PPP3CA: variants seen among roughly 807,000 people sequenced by gnomAD.
PPP3CA encodes protein phosphatase 3 catalytic subunit alpha, also known as CAM-PRP catalytic subunit.
A neutral mutation model predicts 66.5 loss-of-function variants in PPP3CA; 14 were observed. The ratio of observed to expected loss-of-function variants is 0.21; its 90% CI spans 0.14 to 0.33. The LOEUF (loss-of-function observed/expected upper bound fraction) is 0.33. Ranked by LOEUF, PPP3CA falls within the 10% of genes least tolerant of loss-of-function variation. PPP3CA has a pLI of 1.00. For synonymous variants in PPP3CA, 232 were observed against 226.2 expected (o/e 1.03, Z -0.23); for missense variants, 317 against 639.5 (o/e 0.50, Z 5.44).
intron 1 of PPP3CA, among the ~76,000 whole-genome samples, chr4:101,238,197 T>A (rs998703552): frequency 6.6e-6 from 1 of 152,054 alleles, no homozygotes. Flanking sequence ...AACAGTAAAA[T>A]TGATTATAAA....
In PPP3CA at chr4:101,346,854, C is replaced by T; in HGVS notation, c.-58G>A. On this transcript the variant is annotated 5_prime_UTR_variant, in exon 1 of 14. Transcript: ENST00000394854. ...CGTCCGTCCGACTGCACACCCCGAC[C>T]GGACCGGCGGGCCAGACACTCAACG... 1 of 1,573,160 alleles carries T rather than the reference C, an allele frequency of 6.4e-7. No homozygotes were observed. Among genetic ancestry groups the T allele is most frequent in the Non-Finnish European group, 8.6e-7 (1 of 1,159,664 alleles).
chr4:101,105,291 G>A (rs572996595), intron 3 of PPP3CA, among the ~76,000 whole-genome samples: 29 of 151,110 alleles, frequency 1.9e-4, no homozygotes, highest in African/African-American at 6.8e-4. Flanking sequence ...CTCAGCCTCC[G>A]GAGTAGCTGG....
At chr4:101,058,949 G>T (rs1463428465) in intron 10 of PPP3CA, among the ~76,000 whole-genome samples, 1 of 151,974 alleles carries the variant, frequency 6.6e-6, no homozygotes, top group Non-Finnish European at 1.5e-5. Context: ...TTACATTTTT[G>T]TTCTCTATAT....
intron 1 of PPP3CA, among the ~76,000 whole-genome samples, chr4:101,207,007 T>C (rs758215629): frequency 6.6e-6 from 1 of 151,942 alleles, no homozygotes; most frequent in Non-Finnish European, 1.5e-5. Context: ...ACAGATGTGA[T>C]CAAAAGTGAG....
chr4:101,273,577 G>A (rs1321217785), intron 1 of PPP3CA, among the ~76,000 whole-genome samples: 2 of 152,086 alleles, frequency 1.3e-5, no homozygotes, highest in East Asian at 1.9e-4. Flanking sequence ...TGCCCACCTC[G>A]GCCTCCCAAA....
chr4:101,276,755 G>T (rs1323189902), intron 1 of PPP3CA, among the ~76,000 whole-genome samples: 2 of 152,090 alleles, frequency 1.3e-5, no homozygotes, highest in African/African-American at 4.8e-5. Context: ...AAAAAAAACT[G>T]AATGGTAAGT....
At chr4:101,287,470 A>G (rs990685574) in intron 1 of PPP3CA, among the ~76,000 whole-genome samples, 5 of 152,198 alleles carry the variant, frequency 3.3e-5, no homozygotes, top group African/African-American at 1.2e-4. Context: ...AATATTCAGC[A>G]TAGAAACACA....
chr4:101,332,778 A>T (rs1044120858), intron 1 of PPP3CA, among the ~76,000 whole-genome samples: 69 of 152,336 alleles, frequency 4.5e-4, no homozygotes, highest in African/African-American at 1.6e-3. Context: ...AATGGGTTCA[A>T]GATGGTTACA....
At chr4:101,084,185 T>C (rs548280235) in intron 6 of PPP3CA, among the ~76,000 whole-genome samples, 21 of 152,286 alleles carry the variant, frequency 1.4e-4, no homozygotes, top group African/African-American at 5.1e-4. Flanking sequence ...GAACTTAAAC[T>C]ATATACCATT....
chr4:101,240,119 G>A (rs761472428), intron 1 of PPP3CA, among the ~76,000 whole-genome samples: 2 of 151,912 alleles, frequency 1.3e-5, no homozygotes, highest in Non-Finnish European at 2.9e-5. Flanking sequence ...TATTGCTATA[G>A]TTCTGCACAT....
At chr4:101,098,857 C>T (rs1321319842) in intron 4 of PPP3CA, among the ~76,000 whole-genome samples, 5 of 152,028 alleles carry the variant, frequency 3.3e-5, no homozygotes, top group Non-Finnish European at 5.9e-5. Context: ...AGCCATAAAG[C>T]TGCTTGATAT....
At chr4:101,319,331 T>C (rs1050006657) in intron 1 of PPP3CA, among the ~76,000 whole-genome samples, 7 of 152,196 alleles carry the variant, frequency 4.6e-5, no homozygotes, top group Admixed American at 1.3e-4. Flanking sequence ...AACCTATTGA[T>C]TTGTGGCATG....
Position 101,026,043 on chromosome 4 carries a change from G to A in PPP3CA, c.1388C>T (p.Pro463Leu). 6.3e-7 allele frequency: 1 copy of A among 1,593,218 alleles called. No homozygotes were observed. The highest frequency in any genetic ancestry group is 8.5e-7 in the Non-Finnish European group (1 of 1,172,304). The change falls in exon 14 of 14, where the codon CCA (proline) becomes CTA (leucine). Residue 463 changes from proline to leucine, a missense_variant. Physicochemically the swap from Pro to Leu is moderately conservative, Grantham distance 98 (BLOSUM62 -3). This residue lies in a region of PPP3CA where 201 missense variants were observed against 501.4 expected (regional missense o/e 0.40). Transcript: ENST00000394854. ...EADEAIKGFS[P>L]QHKITSFEEA... ...CTCGAAGCTAGTGATCTTATGTTGT[G>A]GTGAAAATCCTTTGATAGCTAAACA...
intron 3 of PPP3CA, among the ~76,000 whole-genome samples, chr4:101,101,676 C>T (rs1478142425): frequency 2.6e-5 from 4 of 151,508 alleles, no homozygotes; most frequent in South Asian, 4.2e-4. Context: ...TCCAGTGAAA[C>T]GTCCATAACT....
chr4:101,170,497 T>C (rs926558330), intron 2 of PPP3CA, among the ~76,000 whole-genome samples: 2 of 150,978 alleles, frequency 1.3e-5, no homozygotes, highest in South Asian at 2.1e-4. Context: ...AATAAATAAA[T>C]GGAATTTAAC....
At chr4:101,149,749 C>T (rs901566032) in intron 2 of PPP3CA, among the ~76,000 whole-genome samples, 9 of 152,096 alleles carry the variant, frequency 5.9e-5, no homozygotes, top group Non-Finnish European at 1.2e-4. Context: ...CCTTAAGTGG[C>T]AGACAAAGGT....
At chr4:101,175,708 A>G (rs2110319245) in intron 2 of PPP3CA, among the ~76,000 whole-genome samples, 1 of 152,188 alleles carries the variant, frequency 6.6e-6, no homozygotes, top group East Asian at 1.9e-4. Context: ...ATGAGAAAGA[A>G]GCAGGTAGAA....
intron 1 of PPP3CA, among the ~76,000 whole-genome samples, chr4:101,319,299 C>T (rs1728970930): frequency 6.6e-6 from 1 of 151,812 alleles, no homozygotes; most frequent in Admixed American, 6.6e-5. Context: ...ATACTATTTA[C>T]AAAGTGACTA....
intron 1 of PPP3CA, among the ~76,000 whole-genome samples, chr4:101,251,416 A>T (rs1357374874): frequency 7.4e-6 from 1 of 134,666 alleles, no homozygotes; most frequent in Non-Finnish European, 1.5e-5. Flanking sequence ...AATATGACTG[A>T]CACGCAGTAT....
Sources: allele counts gnomAD v4.1 joint callset (sites outside exome capture counted in the v4.1 genomes callset), GRCh38; gene constraint gnomAD v4.1.1; regional missense constraint gnomAD v4.1.1; transcripts MANE v1.5; gene names NCBI Gene and HGNC (gene_info 2026-07-23, HGNC 2026-07-21).